The following UMAD1 variants were observed in gnomAD, a reference collection of about 807,000 sequenced individuals.
UMAD1 encodes the protein UBAP1-MVB12-associated (UMA)-domain containing protein 1.
Under a neutral mutation model 6.1 loss-of-function variants are expected in UMAD1, and 8 were observed. That is an observed-to-expected ratio of 1.30 (90% CI 0.76 to 2.35). UMAD1 has a LOEUF of 2.35. UMAD1 is among the 30% of genes most tolerant of loss of function. UMAD1 has a pLI of 0.00. For synonymous variants in UMAD1, 56 were observed against 31.4 expected, an observed-to-expected ratio of 1.78 and a Z score of -2.61; for missense variants, 130 against 78.4, an observed-to-expected ratio of 1.66 and a Z score of -2.49.
Position 7,877,774 on chromosome 7 carries a change from G to T in UMAD1, c.*236G>T. ...ATAAATATACAAATTAGGCTATGAA[G>T]GTTTTAGGAAAGGACTCGATTCCTT... is the stretch of plus-strand genomic sequence containing the variant. On this transcript the variant is annotated 3_prime_UTR_variant, in exon 4 of 4. Transcript: ENST00000682710. 2.1e-6 allele frequency: 1 copy of T among 468,062 alleles called. No homozygotes were observed. The highest frequency in any genetic ancestry group is 3.2e-5 in the South Asian group (1 of 31,560). 29.0% of individuals were successfully genotyped at this position (468,062 alleles called of 1,614,324 possible). A position where few individuals can be genotyped will look rare whatever the true frequency, so the allele number is the denominator to read the frequency against.
chr7:7,717,074 T>G (rs1219518392), intron 2 of UMAD1, among the ~76,000 whole-genome samples: 1 of 151,000 alleles, frequency 6.6e-6, no homozygotes, highest in African/African-American at 2.4e-5. Flanking sequence ...TTTTTTTTTT[T>G]GAGACGGAGT....
intron 2 of UMAD1, among the ~76,000 whole-genome samples, chr7:7,779,014 A>G (rs542941864): frequency 2.3e-4 from 35 of 152,296 alleles, no homozygotes; most frequent in African/African-American, 8.2e-4. Flanking sequence ...CAGATAGGGA[A>G]ACTCAGGCAC....
At chr7:7,776,071 T>C (rs1237200203) in intron 2 of UMAD1, among the ~76,000 whole-genome samples, 1 of 152,188 alleles carries the variant, frequency 6.6e-6, no homozygotes, top group Admixed American at 6.5e-5. Context: ...AAAACAAAAC[T>C]ATTTTAAAAA....
At chr7:7,816,491 T>C (rs56070023) in intron 3 of UMAD1, among the ~76,000 whole-genome samples, 31,151 of 152,190 alleles carry the variant, frequency 0.2, 3,154 homozygotes, top group Middle Eastern at 0.26. Flanking sequence ...TGCTTCTCTC[T>C]TATCACCGCC....
chr7:7,685,760 CT>C (rs1222192790), intron 2 of UMAD1: 1 of 152,094 alleles, frequency 6.6e-6, no homozygotes, highest in Non-Finnish European at 1.5e-5. Flanking sequence ...ACTTTCACTC[CT>C]GATCTGAAAA....
At chr7:7,701,636 T>G (rs1780465469) in intron 2 of UMAD1, among the ~76,000 whole-genome samples, 1 of 152,152 alleles carries the variant, frequency 6.6e-6, no homozygotes, top group South Asian at 2.1e-4. Flanking sequence ...GCTTATAAGG[T>G]CCTATATTTC....
chr7:7,757,426 G>C (rs778791304), intron 2 of UMAD1, among the ~76,000 whole-genome samples: 1 of 152,160 alleles, frequency 6.6e-6, no homozygotes, highest in South Asian at 2.1e-4. Flanking sequence ...CCATGTGAAC[G>C]TAGTACAGGT....
rs189849717 is a variant in UMAD1 at position 7,725,809 on chromosome 7, C to T, written c.82+52356C>T. On this transcript the variant is annotated intron_variant, in intron 2 of 3. Coordinates refer to ENST00000682710, the MANE Select transcript of UMAD1 (RefSeq NM_001302348.2). Reference sequence around the variant, plus strand: ...CTCTTCCCCAGACTGCACCAATGGCCTTTTGGGGAGTTCCCTATGATCAGT... The same window carrying T: ...CTCTTCCCCAGACTGCACCAATGGCTTTTTGGGGAGTTCCCTATGATCAGT... Among the ~76,000 whole-genome samples the T allele has an allele frequency of 2.5e-3, 375 of 152,320 alleles. 1 individual carries two copies. Among genetic ancestry groups the T allele is most frequent in the African/African-American group, 8.3e-3 (345 of 41,576 alleles).
intron 2 of UMAD1, among the ~76,000 whole-genome samples, chr7:7,725,091 T>C (rs895321156): frequency 6.6e-6 from 1 of 152,216 alleles, no homozygotes; most frequent in Non-Finnish European, 1.5e-5. Flanking sequence ...CAGTAAAATT[T>C]CTAGGCGTCC....
intron 1 of UMAD1, among the ~76,000 whole-genome samples, chr7:7,661,649 A>G (rs1319951328): frequency 6.6e-6 from 1 of 152,170 alleles, no homozygotes; most frequent in Non-Finnish European, 1.5e-5. Flanking sequence ...GCAGAACAGC[A>G]AAGATTGTTG....
chr7:7,672,956 T>C (rs1452341425), intron 1 of UMAD1, among the ~76,000 whole-genome samples: 1 of 152,192 alleles, frequency 6.6e-6, no homozygotes, highest in Non-Finnish European at 1.5e-5. Context: ...GTTTATTTTA[T>C]TTTTTCCTAT....
At chr7:7,759,460 G>T (rs974939875) in intron 2 of UMAD1, among the ~76,000 whole-genome samples, 1 of 152,142 alleles carries the variant, frequency 6.6e-6, no homozygotes, top group East Asian at 1.9e-4. Flanking sequence ...AGCATTTTGC[G>T]CCCTCTTTAA....
chr7:7,668,201 C>A (rs1779518033), intron 1 of UMAD1, among the ~76,000 whole-genome samples: 1 of 152,088 alleles, frequency 6.6e-6, no homozygotes. Flanking sequence ...GTGTAAGCCA[C>A]CATGCCTGGT....
intron 1 of UMAD1, among the ~76,000 whole-genome samples, chr7:7,659,572 C>T (rs1222614590): frequency 6.6e-6 from 1 of 152,146 alleles, no homozygotes; most frequent in African/African-American, 2.4e-5. Context: ...ACCCAGTAGT[C>T]ATACAGGAGC....
chr7:7,724,621 C>A (rs1289609272), intron 2 of UMAD1, among the ~76,000 whole-genome samples: 1 of 152,220 alleles, frequency 6.6e-6, no homozygotes, highest in Non-Finnish European at 1.5e-5. Flanking sequence ...CTCAGCTCTC[C>A]TGTTTGGCCT....
intron 2 of UMAD1, chr7:7,742,432 CTTTCTTTTTTTCTT>C (rs922411476): frequency 1.5e-4 from 87 of 562,474 alleles, no homozygotes; most frequent in African/African-American, 1.4e-3. Context: ...ACGGGCAGAT[CTTTCTTTTTTTCTT>C]TTTCTTTTTT....
chr7:7,782,908 T>C (rs1782377568), intron 2 of UMAD1, among the ~76,000 whole-genome samples: 1 of 152,128 alleles, frequency 6.6e-6, no homozygotes, highest in Admixed American at 6.5e-5. Context: ...ATTTTTTGTA[T>C]TTTTTATACA....
chr7:7,698,681 G>C (rs1329214585), intron 2 of UMAD1, among the ~76,000 whole-genome samples: 3 of 151,932 alleles, frequency 2.0e-5, no homozygotes, highest in Non-Finnish European at 4.4e-5. Context: ...ATTTGGTTTG[G>C]AGCATCCTTT....
chr7:7,701,143 A>G (rs1039130533), intron 2 of UMAD1, among the ~76,000 whole-genome samples: 1 of 152,190 alleles, frequency 6.6e-6, no homozygotes, highest in African/African-American at 2.4e-5. Context: ...ACATTTAATA[A>G]ACATGTTCTG....
Sources: allele counts gnomAD v4.1 joint callset (sites outside exome capture counted in the v4.1 genomes callset), GRCh38; gene constraint gnomAD v4.1.1; transcripts MANE v1.5; gene names NCBI Gene and HGNC (gene_info 2026-07-23, HGNC 2026-07-21).